The following MCPH1 variants were observed in gnomAD, a reference collection of about 807,000 sequenced individuals.
MCPH1 encodes the protein microcephalin.
MCPH1 carries 104 observed loss-of-function variants against 84.5 expected under a neutral mutation model. That is an observed-to-expected ratio of 1.23 (90% CI 1.05 to 1.45). The LOEUF (loss-of-function observed/expected upper bound fraction) is 1.45. Ranked by LOEUF, MCPH1 falls within the 40% of genes most tolerant of loss-of-function variation. MCPH1 has a pLI of 0.00. For missense variants in MCPH1, 1,498 were observed against 1,005.7 expected (o/e 1.49, Z -6.62); for synonymous variants, 514 against 366.8 (o/e 1.40, Z -4.58).
intron 12 of MCPH1, among the ~76,000 whole-genome samples, chr8:6,592,122 C>T (rs549554538): frequency 6.6e-6 from 1 of 152,266 alleles, no homozygotes; most frequent in East Asian, 1.9e-4. Flanking sequence ...CATCACTCAG[C>T]ATTGCTCAAT....
chr8:6,623,547 T>G (rs545928916), intron 13 of MCPH1, among the ~76,000 whole-genome samples: 1 of 152,228 alleles, frequency 6.6e-6, no homozygotes, highest in Non-Finnish European at 1.5e-5. Flanking sequence ...CAAGTTACAT[T>G]CGTATCTAAC....
chr8:6,432,626 G>A (rs1352257239), intron 4 of MCPH1, among the ~76,000 whole-genome samples: 1 of 152,222 alleles, frequency 6.6e-6, no homozygotes, highest in African/African-American at 2.4e-5. Flanking sequence ...GGGAGGATTT[G>A]ATGACTTTCT....
In MCPH1 at chr8:6,442,382, A is replaced by G. The variant is rs906124875; in HGVS notation, c.670+226A>G. ...TTTCCTAGGCATTTGCTTTCTTGCT[A>G]CAGAATCCATTGCTCTATTTAAAAA... On this transcript the variant is annotated intron_variant, in intron 7 of 13. Transcript: ENST00000344683. Among the ~76,000 whole-genome samples, 18 of 152,082 alleles carry G rather than the reference A, an allele frequency of 1.2e-4. 1 individual carries two copies. Among genetic ancestry groups the G allele is most frequent in the African/African-American group, 4.1e-4 (17 of 41,520 alleles).
intron 8 of MCPH1, chr8:6,445,989 A>G (rs1247378571): frequency 3.8e-5 from 37 of 980,882 alleles, no homozygotes; most frequent in Non-Finnish European, 4.5e-5. Context: ...CGATTGTATC[A>G]TAGAGAAAGT....
intron 12 of MCPH1, among the ~76,000 whole-genome samples, chr8:6,552,665 G>C (rs1823861335): frequency 6.6e-6 from 1 of 152,128 alleles, no homozygotes; most frequent in Non-Finnish European, 1.5e-5. Context: ...CCCTGTGCTA[G>C]CCATCATCTT....
At chr8:6,632,357 A>T (rs1413422923) in intron 13 of MCPH1, among the ~76,000 whole-genome samples, 2 of 152,198 alleles carry the variant, frequency 1.3e-5, no homozygotes, top group Non-Finnish European at 2.9e-5. Context: ...TGTCTATCAA[A>T]CTTTTAAAGG....
chr8:6,515,272 A>G (rs1816032317), intron 12 of MCPH1, among the ~76,000 whole-genome samples: 1 of 151,706 alleles, frequency 6.6e-6, no homozygotes, highest in Non-Finnish European at 1.5e-5. Context: ...GGTTTGGAGG[A>G]CTCCTGTTAC....
chr8:6,413,744 A>G (rs559944558), intron 2 of MCPH1, among the ~76,000 whole-genome samples: 1 of 150,006 alleles, frequency 6.7e-6, no homozygotes, highest in Non-Finnish European at 1.5e-5. Flanking sequence ...TGTTGCGTGA[A>G]TACAGTATCT....
intron 13 of MCPH1, among the ~76,000 whole-genome samples, chr8:6,638,136 T>G (rs1413122666): frequency 6.6e-6 from 1 of 150,708 alleles, no homozygotes; most frequent in African/African-American, 2.4e-5. Flanking sequence ...CAGGCAGCTC[T>G]GGGCTCATTA....
Position 6,444,915 on chromosome 8 carries a change from C to A in MCPH1, c.1193C>A (p.Ala398Glu). ...CRSEDRLQHVAGPALEALSCG... is the reference protein window; with the variant it reads ...CRSEDRLQHVEGPALEALSCG... ...TCGGAAGACAGGCTGCAGCACGTGG[C>A]GGGACCTGCCCTGGAGGCTCTTAGC... The change falls in exon 8 of 14, where the codon GCG becomes GAG. Residue 398 changes from alanine to glutamate, a missense_variant. Ala to Glu is a moderately radical substitution (Grantham distance 107). Transcript: ENST00000344683. The A allele has an allele frequency of 6.2e-7, 1 of 1,614,104 alleles. No homozygotes were observed. The highest frequency in any genetic ancestry group is 8.5e-7 in the Non-Finnish European group (1 of 1,179,990).
chr8:6,538,367 C>T (rs993862495), intron 12 of MCPH1, among the ~76,000 whole-genome samples: 1 of 152,254 alleles, frequency 6.6e-6, no homozygotes, highest in Admixed American at 6.5e-5. Context: ...ACGCATCCCC[C>T]AGCTGCTCTC....
chr8:6,566,382 A>T (rs780023729), intron 12 of MCPH1, among the ~76,000 whole-genome samples: 12 of 151,696 alleles, frequency 7.9e-5, no homozygotes, highest in Non-Finnish European at 1.5e-4. Flanking sequence ...CAGTGCAGCA[A>T]CCACCGTGTG....
At chr8:6,448,187 G>A (rs986639629) in intron 8 of MCPH1, among the ~76,000 whole-genome samples, 8 of 152,194 alleles carry the variant, frequency 5.3e-5, no homozygotes, top group Non-Finnish European at 1.2e-4. Flanking sequence ...ATACTGCATT[G>A]GATAGATAAG....
At chr8:6,638,041 G>C (rs1379532443) in intron 13 of MCPH1, among the ~76,000 whole-genome samples, 1 of 151,216 alleles carries the variant, frequency 6.6e-6, no homozygotes, top group Non-Finnish European at 1.5e-5. Flanking sequence ...AGGAGCAGTG[G>C]TTTATTCAGT....
chr8:6,621,775 C>T (rs2129580790), intron 13 of MCPH1, 84 bp downstream of exon 13: 1 of 1,576,802 alleles, frequency 6.3e-7, no homozygotes, highest in East Asian at 2.2e-5. Context: ...GGCTCACACC[C>T]CCTTCCACGC....
chr8:6,500,016 A>T, intron 12 of MCPH1, 87 bp downstream of exon 12: 1 of 1,152,818 alleles, frequency 8.7e-7, no homozygotes, highest in Non-Finnish European at 1.3e-6. Context: ...TTAAGTTTTT[A>T]TCCAGTCAAG....
In MCPH1 at chr8:6,592,615, TTTTTTTTG is replaced by T. The variant is rs1437766021; in HGVS notation, c.2215-28831_2215-28824del. Reference sequence around the variant, plus strand: ...TCATCTAGGCTCTCGTTTTTCTTTCTTTTTTTTGTTTTTTTTTTTTTTTTTTTTGTTGC... The same window carrying T: ...TCATCTAGGCTCTCGTTTTTCTTTCTTTTTTTTTTTTTTTTTTTTTGTTGC... On this transcript the variant is annotated intron_variant, in intron 12 of 13. Transcript: ENST00000344683. Among the ~76,000 whole-genome samples the T allele has an allele frequency of 3.9e-3, 170 of 43,942 alleles. 1 individual carries two copies. The highest frequency in any genetic ancestry group is 0.016 in the South Asian group (22 of 1,352). 28.8% of individuals were successfully genotyped at this position (43,942 alleles called of 152,430 possible).
intron 7 of MCPH1, among the ~76,000 whole-genome samples, chr8:6,443,220 A>G (rs1803773275): frequency 6.6e-6 from 1 of 152,214 alleles, no homozygotes; most frequent in Admixed American, 6.5e-5. Context: ...GGCAAACCCA[A>G]GCTTCTAACT....
intron 9 of MCPH1, among the ~76,000 whole-genome samples, chr8:6,456,518 C>T (rs1413056500): frequency 6.6e-6 from 1 of 152,186 alleles, no homozygotes; most frequent in Non-Finnish European, 1.5e-5. Flanking sequence ...CGTGCCTCTC[C>T]TGCTGATGCG....
Sources: allele counts gnomAD v4.1 joint callset (sites outside exome capture counted in the v4.1 genomes callset), GRCh38; gene constraint gnomAD v4.1.1; transcripts MANE v1.5; gene names NCBI Gene and HGNC (gene_info 2026-07-23, HGNC 2026-07-21).